Variants in CMIP observed in about 807,000 individuals in gnomAD.
The protein encoded by CMIP is C-Maf-inducing protein.
In CMIP, 13 loss-of-function variants were observed where a neutral mutation model predicts 97.3. The observed-to-expected ratio is 0.13, with a 90% CI of 0.09 to 0.21. CMIP has a LOEUF of 0.21. CMIP is among the 10% of genes least tolerant of loss of function. The pLI, the probability that CMIP is intolerant of heterozygous loss-of-function variation, is 1.00. For missense variants in CMIP, 847 were observed against 1,024.9 expected (o/e 0.83, Z 2.37); for synonymous variants, 538 against 436.3 (o/e 1.23, Z -2.91).
intron 1 of CMIP, among the ~76,000 whole-genome samples, chr16:81,604,377 CAA>C (rs1281824463): frequency 1.8e-5 from 2 of 108,108 alleles, no homozygotes; most frequent in East Asian, 2.8e-4. Context: ...GTCGGGGTGA[CAA>C]GAGCAAAACT....
intron 3 of CMIP, among the ~76,000 whole-genome samples, chr16:81,628,204 C>T (rs896612360): frequency 1.3e-5 from 2 of 152,122 alleles, no homozygotes; most frequent in Non-Finnish European, 2.9e-5. Flanking sequence ...GAGCCCACCT[C>T]CCCTGGGTCG....
intron 15 of CMIP, among the ~76,000 whole-genome samples, chr16:81,700,230 A>G (rs903674020): frequency 1.3e-5 from 2 of 151,954 alleles, no homozygotes; most frequent in African/African-American, 4.8e-5. Flanking sequence ...GGCCTCAGAC[A>G]ATGAGGGCTT....
chr16:81,488,477 C>G (rs1013775575), intron 1 of CMIP, among the ~76,000 whole-genome samples: 3 of 152,152 alleles, frequency 2.0e-5, no homozygotes, highest in Admixed American at 6.5e-5. Flanking sequence ...TGTTAGCCAT[C>G]ATTGTAGTCA....
At chr16:81,502,980 G>A (rs1203300388) in intron 1 of CMIP, among the ~76,000 whole-genome samples, 13 of 152,116 alleles carry the variant, frequency 8.5e-5, no homozygotes, top group Non-Finnish European at 1.6e-4. Context: ...ATATGTTTGC[G>A]TGATGTCGTG....
intron 1 of CMIP, among the ~76,000 whole-genome samples, chr16:81,472,444 C>G (rs539079734): frequency 3.1e-4 from 47 of 152,274 alleles, no homozygotes; most frequent in African/African-American, 1.0e-3. Flanking sequence ...GTGCCCCATG[C>G]GTGGAGGAGT....
At chr16:81,505,497 T>C (rs1186408489) in intron 1 of CMIP, among the ~76,000 whole-genome samples, 1 of 152,250 alleles carries the variant, frequency 6.6e-6, no homozygotes, top group Non-Finnish European at 1.5e-5. Context: ...TGGGACCTGC[T>C]GGGCCGAGTT....
At chr16:81,454,599 A>G (rs552751095) in intron 1 of CMIP, among the ~76,000 whole-genome samples, 4 of 152,336 alleles carry the variant, frequency 2.6e-5, no homozygotes, top group African/African-American at 9.6e-5. Context: ...AACACCATAT[A>G]TTATTTGTGC....
At chr16:81,580,161 C>G (rs534487977) in intron 1 of CMIP, among the ~76,000 whole-genome samples, 1 of 152,178 alleles carries the variant, frequency 6.6e-6, no homozygotes, top group African/African-American at 2.4e-5. Flanking sequence ...CACCCTCCCT[C>G]AGCTCCCATT....
rs2092438980 is a variant in CMIP at position 81,652,427 on chromosome 16, C to T, written c.639+63C>T. 4 of 1,424,870 alleles carry T rather than the reference C, an allele frequency of 2.8e-6. No individual in the cohort carries two copies. The highest frequency in any genetic ancestry group is 3.9e-6 in the Non-Finnish European group (4 of 1,029,824). The allele number at this position is 1,424,870 out of a possible 1,614,324, so 88.3% of individuals were successfully genotyped here. On this transcript the variant is annotated intron_variant, in intron 4 of 20. Coordinates refer to ENST00000537098, the MANE Select transcript of CMIP (RefSeq NM_198390.3). The surrounding 1 kb of genome is among the most constrained non-coding windows in gnomAD (Gnocchi z 5.2). ...CTTTCCCTCCACCGATCACCGGCTC[C>T]ATGCCAAGCAGCAGGCGCAGGCAGA...
chr16:81,489,761 C>T (rs987694253), intron 1 of CMIP, among the ~76,000 whole-genome samples: 69 of 152,300 alleles, frequency 4.5e-4, no homozygotes, highest in African/African-American at 1.6e-3. Context: ...TGCGTAGTGC[C>T]CAGCGAAGGG....
chr16:81,604,075 T>G (rs1053564289), intron 1 of CMIP, among the ~76,000 whole-genome samples: 1 of 152,208 alleles, frequency 6.6e-6, no homozygotes, highest in Non-Finnish European at 1.5e-5. Flanking sequence ...CTTCAGGCAG[T>G]AGGCATGCAG....
rs190231620 is a variant in CMIP, at chr16:81,565,939, C to A, written c.301-41628C>A. Reference sequence around the variant, plus strand: ...GACATGCCCCTGCGCCCTCCTTCACCTTTCAGGACCAGAGCCAGAGAGTTT... The same window carrying A: ...GACATGCCCCTGCGCCCTCCTTCACATTTCAGGACCAGAGCCAGAGAGTTT... On this transcript the variant is annotated intron_variant, in intron 1 of 20. Transcript: ENST00000537098. 1.6e-3 allele frequency among the ~76,000 whole-genome samples: 241 copies of A among 152,338 alleles called. 2 individuals are homozygous for A. The highest frequency in any genetic ancestry group is 5.3e-3 in the African/African-American group (219 of 41,584).
In CMIP at chr16:81,654,231, T is replaced by TTTATTATTATTATTATTATTA. The variant is rs58919554; in HGVS notation, c.639+1871_639+1891dup. Among the ~76,000 whole-genome samples, 395 of 150,818 alleles carry TTTATTATTATTATTATTATTA rather than the reference T, an allele frequency of 2.6e-3. 1 individual carries two copies. Among genetic ancestry groups the TTTATTATTATTATTATTATTA allele is most frequent in the African/African-American group, 8.6e-3 (352 of 40,698 alleles). ...TTGGCCTTCACATCCCTCCTTGGGC[T>TTTATTATTATTATTATTATTA]TTATTATTATTATTATTATTATTAA... On this transcript the variant is annotated intron_variant, in intron 4 of 20. Coordinates refer to ENST00000537098, the MANE Select transcript of CMIP (RefSeq NM_198390.3).
intron 1 of CMIP, among the ~76,000 whole-genome samples, chr16:81,478,007 G>T (rs1908033115): frequency 6.6e-6 from 1 of 152,224 alleles, no homozygotes; most frequent in South Asian, 2.1e-4. Context: ...ATGTAAGTGG[G>T]AGCCATGAAT....
intron 1 of CMIP, among the ~76,000 whole-genome samples, chr16:81,504,268 G>A (rs1282843007): frequency 6.6e-6 from 1 of 152,050 alleles, no homozygotes; most frequent in East Asian, 1.9e-4. Context: ...AGAGGTTGCA[G>A]TGGGCTGAGA....
At chr16:81,707,106 ACTCTC>A in intron 20 of CMIP, 22 bp downstream of exon 20, 2 of 1,598,520 alleles carry the variant, frequency 1.3e-6, no homozygotes, top group South Asian at 1.1e-5. Context: ...CTTCCTCCCC[ACTCTC>A]CTCCCCTCCT....
At chr16:81,640,768 G>C (rs112646758) in intron 3 of CMIP, among the ~76,000 whole-genome samples, 2,772 of 135,120 alleles carry the variant, frequency 0.021, 99 homozygotes, top group African/African-American at 0.076. Flanking sequence ...GTGTGTGTGT[G>C]TGTCTCTCTC....
intron 3 of CMIP, among the ~76,000 whole-genome samples, chr16:81,651,025 C>G (rs983738586): frequency 6.6e-6 from 1 of 152,260 alleles, no homozygotes; most frequent in African/African-American, 2.4e-5. Context: ...GTCAGGGAGG[C>G]TCTGGCAGCT....
intron 1 of CMIP, among the ~76,000 whole-genome samples, chr16:81,504,058 G>A (rs1448646035): frequency 6.6e-6 from 1 of 152,258 alleles, no homozygotes; most frequent in Non-Finnish European, 1.5e-5. Flanking sequence ...GGGCGCCGTG[G>A]CTTACACCTG....
Sources: allele counts gnomAD v4.1 joint callset (sites outside exome capture counted in the v4.1 genomes callset), GRCh38; gene constraint gnomAD v4.1.1; non-coding constraint Gnocchi (gnomAD v3.1); transcripts MANE v1.5; gene names NCBI Gene and HGNC (gene_info 2026-07-23, HGNC 2026-07-21).